Variants in ETV6 observed in about 807,000 individuals in gnomAD.
ETV6 encodes the protein ETS variant transcription factor 6.
A neutral mutation model predicts 51.1 loss-of-function variants in ETV6; 16 were observed. That is an observed-to-expected ratio of 0.31 (90% CI 0.21 to 0.48). ETV6 has a LOEUF of 0.48. Among genes scored for constraint, ETV6 ranks in the 20% least tolerant of loss-of-function variants. The pLI, the probability that ETV6 is intolerant of heterozygous loss-of-function variation, is 0.99. For missense variants in ETV6, 458 were observed against 594.8 expected (o/e 0.77, Z 2.39); for synonymous variants, 240 against 224.1 (o/e 1.07, Z -0.64).
At chr12:11,680,803 C>CTTCT (rs1864513309) in intron 1 of ETV6, among the ~76,000 whole-genome samples, 1 of 152,194 alleles carries the variant, frequency 6.6e-6, no homozygotes, top group Non-Finnish European at 1.5e-5. Context: ...GCCTGTCTCC[C>CTTCT]TCTAATAGAA....
In ETV6 at chr12:11,895,125, C is replaced by G. The variant is rs961663200; in HGVS notation, c.*4079C>G. On this transcript the variant is annotated 3_prime_UTR_variant, in exon 8 of 8. Coordinates refer to ENST00000396373, the MANE Select transcript of ETV6 (RefSeq NM_001987.5). ...AGACCCCCTGAATCTTTCACACATG[C>G]CAAGTGAACATTCTTGATGATTTCT... 25 of 232,700 alleles carry G rather than the reference C, an allele frequency of 1.1e-4. No homozygotes were observed. The highest frequency in any genetic ancestry group is 2.0e-4 in the Non-Finnish European group (24 of 117,516). The allele number at this position is 232,700 out of a possible 1,614,324, so 14.4% of individuals were successfully genotyped here.
At chr12:11,720,383 G>C (rs1865360412) in intron 1 of ETV6, among the ~76,000 whole-genome samples, 1 of 152,194 alleles carries the variant, frequency 6.6e-6, no homozygotes, top group East Asian at 1.9e-4. Context: ...TGACACTTAT[G>C]AACTCAGATT....
At chr12:11,868,872 A>C (rs1412508013) in intron 4 of ETV6, among the ~76,000 whole-genome samples, 1 of 152,130 alleles carries the variant, frequency 6.6e-6, no homozygotes, top group Non-Finnish European at 1.5e-5. Flanking sequence ...CCTACAGGCC[A>C]CAGGTAGGTC....
chr12:11,734,237 TTA>T (rs2120989767), intron 1 of ETV6, among the ~76,000 whole-genome samples: 2 of 152,356 alleles, frequency 1.3e-5, no homozygotes, highest in African/African-American at 4.8e-5. Flanking sequence ...ATCGTATCTT[TTA>T]TCATATAGTC....
intron 1 of ETV6, among the ~76,000 whole-genome samples, chr12:11,725,948 T>C (rs1253845531): frequency 6.6e-6 from 1 of 152,198 alleles, no homozygotes; most frequent in Non-Finnish European, 1.5e-5. Flanking sequence ...CTCTTTTCTT[T>C]ATGAATTCCC....
At position 11,828,474 on chromosome 12, in the gene ETV6, G is replaced by A. The variant is rs140107009; in HGVS notation, c.164-10666G>A. The stretch of plus-strand genomic sequence containing the variant: ...TCTGTTTTTCTCCCTGAAATATCAG[G>A]AGAGACATATATCTCTCTTAAACCT... On this transcript the variant is annotated intron_variant, in intron 2 of 7. Transcript: ENST00000396373. Among the ~76,000 whole-genome samples the A allele has an allele frequency of 5.3e-3, 807 of 152,206 alleles. 7 individuals carry two copies. The highest frequency in any genetic ancestry group is 9.2e-3 in the Non-Finnish European group (628 of 68,006).
chr12:11,811,059 G>A lies in ETV6; in HGVS notation c.164-28081G>A, dbSNP rs1945905322. On this transcript the variant is annotated intron_variant, in intron 2 of 7. Coordinates refer to ENST00000396373, the MANE Select transcript of ETV6 (RefSeq NM_001987.5). ...AACAAAGCCTCAAACCACTTTCAGAGTGGTGGTACAGCAAATAATTGATTC... is the reference window on the plus strand; with the variant it reads ...AACAAAGCCTCAAACCACTTTCAGAATGGTGGTACAGCAAATAATTGATTC... 2.0e-5 allele frequency among the ~76,000 whole-genome samples: 3 copies of A among 152,202 alleles called. No individual in the cohort carries two copies. In the South Asian group the frequency reaches 6.2e-4, roughly 32 times the overall value.
chr12:11,679,800 TC>T (rs150889813), intron 1 of ETV6, among the ~76,000 whole-genome samples: 8,286 of 152,322 alleles, frequency 0.054, 255 homozygotes, highest in Non-Finnish European at 0.077. Flanking sequence ...ACTTGCTTGT[TC>T]TTGACTCCAT....
At chr12:11,674,461 C>T (rs149290394) in intron 1 of ETV6, among the ~76,000 whole-genome samples, 2 of 151,914 alleles carry the variant, frequency 1.3e-5, no homozygotes, top group East Asian at 1.9e-4. Context: ...TCCCTGCCCT[C>T]GAGATTTAAT....
chr12:11,673,929 A>G (rs1864366818), intron 1 of ETV6, among the ~76,000 whole-genome samples: 1 of 152,176 alleles, frequency 6.6e-6, no homozygotes, highest in Non-Finnish European at 1.5e-5. Context: ...GAATGGCCAT[A>G]TTTTGGAATT....
chr12:11,839,976 G>A (rs956901836), intron 3 of ETV6, among the ~76,000 whole-genome samples: 4 of 152,318 alleles, frequency 2.6e-5, no homozygotes, highest in Middle Eastern at 3.4e-3. Flanking sequence ...AAAACAAAGA[G>A]AGGAAGGAGA....
chr12:11,747,018 A>G (rs1386180512), intron 1 of ETV6, among the ~76,000 whole-genome samples: 1 of 152,116 alleles, frequency 6.6e-6, no homozygotes, highest in East Asian at 1.9e-4. Context: ...TAAACTAGAG[A>G]AAGGGCACTC....
intron 1 of ETV6, among the ~76,000 whole-genome samples, chr12:11,704,319 G>T (rs1434148024): frequency 6.6e-6 from 1 of 152,118 alleles, no homozygotes; most frequent in Admixed American, 6.6e-5. Flanking sequence ...GGGGATAGCG[G>T]AAGAAGGGGA....
At chr12:11,651,805 A>G (rs1477737923) in intron 1 of ETV6, among the ~76,000 whole-genome samples, 2 of 152,210 alleles carry the variant, frequency 1.3e-5, no homozygotes, top group Non-Finnish European at 2.9e-5. Context: ...CATCAGGAAA[A>G]TCTGCCAACT....
chr12:11,717,541 T>C (rs1172136707), intron 1 of ETV6, among the ~76,000 whole-genome samples: 1 of 152,220 alleles, frequency 6.6e-6, no homozygotes, highest in South Asian at 2.1e-4. Context: ...TACATGTGTG[T>C]GCATAAGGAA....
At chr12:11,793,887 GT>G (rs1168877138) in intron 2 of ETV6, among the ~76,000 whole-genome samples, 1 of 152,274 alleles carries the variant, frequency 6.6e-6, no homozygotes, top group Non-Finnish European at 1.5e-5. Flanking sequence ...TCCACCTACT[GT>G]TTATTTTCCT....
intron 4 of ETV6, among the ~76,000 whole-genome samples, chr12:11,863,166 G>T (rs1946740069): frequency 6.6e-6 from 1 of 152,120 alleles, no homozygotes; most frequent in South Asian, 2.1e-4. Flanking sequence ...TTTCACTAAA[G>T]GCAGTTTTTT....
intron 3 of ETV6, among the ~76,000 whole-genome samples, chr12:11,845,918 G>C (rs765257359): frequency 2.8e-4 from 43 of 152,002 alleles, no homozygotes; most frequent in Non-Finnish European, 5.1e-4. Flanking sequence ...CTTGAACCCA[G>C]GAGGCGGAGG....
chr12:11,843,023 C>G (rs541705577), intron 3 of ETV6, among the ~76,000 whole-genome samples: 1 of 152,288 alleles, frequency 6.6e-6, no homozygotes, highest in Non-Finnish European at 1.5e-5. Context: ...CATCATACAT[C>G]GTCTCCATTA....
Sources: allele counts gnomAD v4.1 joint callset (sites outside exome capture counted in the v4.1 genomes callset), GRCh38; gene constraint gnomAD v4.1.1; transcripts MANE v1.5; gene names NCBI Gene and HGNC (gene_info 2026-07-23, HGNC 2026-07-21).